Variants in ITGB8 observed in about 807,000 individuals in gnomAD.
The protein encoded by ITGB8 is integrin subunit beta 8, also known as integrin beta-8.
In ITGB8, 30 loss-of-function variants were observed where a neutral mutation model predicts 89.5. That is an observed-to-expected ratio of 0.34 (90% CI 0.25 to 0.45). ITGB8 has a LOEUF of 0.45. Ranked by LOEUF, ITGB8 falls within the 20% of genes least tolerant of loss-of-function variation. ITGB8 has a pLI of 1.00. For synonymous variants in ITGB8, 335 were observed against 320.4 expected, an observed-to-expected ratio of 1.05 and a Z score of -0.49; for missense variants, 836 against 933.3, an observed-to-expected ratio of 0.90 and a Z score of 1.36.
intron 3 of ITGB8, among the ~76,000 whole-genome samples, chr7:20,372,974 G>T (rs942563620): frequency 6.6e-6 from 1 of 152,176 alleles, no homozygotes; most frequent in Non-Finnish European, 1.5e-5. Context: ...CATACTCCAT[G>T]ATGTGAAAGT....
rs573885912 is a variant in ITGB8, at chr7:20,331,525, C to A, written c.-282C>A. 3.8e-4 allele frequency: 169 copies of A among 441,210 alleles called. 2 individuals are homozygous for A. The highest frequency in any genetic ancestry group is 5.9e-4 in the Non-Finnish European group (149 of 254,452). The allele number at this position is 441,210 out of a possible 1,614,324, so 27.3% of individuals were successfully genotyped here. ...CGGAGCCCTTGCAGAGCCCTCTCTC[C>A]AGTCGCCGCCGGGGCCCTTGGCCGT... On this transcript the variant is annotated 5_prime_UTR_variant, in exon 1 of 14. Coordinates refer to ENST00000222573, the MANE Select transcript of ITGB8 (RefSeq NM_002214.3).
chr7:20,369,639 C>T (rs960083397), intron 3 of ITGB8, among the ~76,000 whole-genome samples: 2 of 151,982 alleles, frequency 1.3e-5, no homozygotes, highest in African/African-American at 4.8e-5. Context: ...ACAATTCAGT[C>T]GATAGCATTT....
At chr7:20,368,432 T>C (rs1043576498) in intron 3 of ITGB8, among the ~76,000 whole-genome samples, 2 of 152,216 alleles carry the variant, frequency 1.3e-5, no homozygotes, top group Non-Finnish European at 2.9e-5. Context: ...TTCCTATAAT[T>C]ACACATGCCT....
chr7:20,374,732 A>G (rs1054934544), intron 3 of ITGB8, among the ~76,000 whole-genome samples: 3 of 152,228 alleles, frequency 2.0e-5, no homozygotes, highest in African/African-American at 7.2e-5. Context: ...TGTAGGCTGT[A>G]TATGGGGAAG....
intron 12 of ITGB8, among the ~76,000 whole-genome samples, chr7:20,408,114 T>G (rs1255584922): frequency 6.6e-6 from 1 of 152,230 alleles, no homozygotes; most frequent in Non-Finnish European, 1.5e-5. Flanking sequence ...TCAAGCCACG[T>G]GCCCCCTCTG....
chr7:20,368,304 A>G (rs1270620321), intron 3 of ITGB8, among the ~76,000 whole-genome samples: 2 of 152,212 alleles, frequency 1.3e-5, no homozygotes, highest in East Asian at 3.8e-4. Context: ...GCAAAAAATT[A>G]TTTAGTGTCG....
At chr7:20,337,470 G>T (rs777294130) in intron 1 of ITGB8, among the ~76,000 whole-genome samples, 2 of 152,068 alleles carry the variant, frequency 1.3e-5, no homozygotes, top group African/African-American at 4.8e-5. Flanking sequence ...TAAGTTTTGT[G>T]TATTATTTAC....
intron 1 of ITGB8, among the ~76,000 whole-genome samples, chr7:20,349,179 G>A (rs1369301038): frequency 6.6e-6 from 1 of 152,012 alleles, no homozygotes; most frequent in Non-Finnish European, 1.5e-5. Context: ...TTTTGTCTGA[G>A]TCTCCAAATA....
intron 1 of ITGB8, among the ~76,000 whole-genome samples, chr7:20,342,677 CA>C (rs1388321923): frequency 1.3e-5 from 2 of 151,458 alleles, no homozygotes; most frequent in Non-Finnish European, 1.5e-5. Context: ...ATTTTTCATT[CA>C]TTTTTTTTTT....
At chr7:20,399,055 C>T (rs779561129) in intron 9 of ITGB8, 61 bp downstream of exon 9, 23 of 1,532,548 alleles carry the variant, frequency 1.5e-5, no homozygotes, top group Non-Finnish European at 2.0e-5. Flanking sequence ...TACTTTCTTA[C>T]AGAAAAAGCA....
In ITGB8 at chr7:20,379,259, C is replaced by CTA; in HGVS notation, c.597_598insTA (p.Ile200Ter). ...ACGTTGATAAAACAGTTTCACCATA[C>CTA]ATTAGCATCCACCCCGAAAGGATTC... On this transcript the variant is annotated frameshift_variant, in exon 4 of 14. Coordinates refer to ENST00000222573, the MANE Select transcript of ITGB8 (RefSeq NM_002214.3). LOFTEE classifies it high-confidence loss of function. The CTA allele has an allele frequency of 6.2e-7, 1 of 1,608,100 alleles. No homozygotes were observed. The highest frequency in any genetic ancestry group is 8.5e-7 in the Non-Finnish European group (1 of 1,176,332).
At chr7:20,403,500 T>C (rs910250794) in intron 10 of ITGB8, among the ~76,000 whole-genome samples, 1 of 152,256 alleles carries the variant, frequency 6.6e-6, no homozygotes, top group Non-Finnish European at 1.5e-5. Context: ...GTAACTGACA[T>C]GTACTTTCTC....
intron 1 of ITGB8, among the ~76,000 whole-genome samples, chr7:20,354,318 A>G (rs773147294): frequency 6.6e-6 from 1 of 152,202 alleles, no homozygotes; most frequent in Admixed American, 6.5e-5. Flanking sequence ...ATGAAGAAAT[A>G]TATCTCTTTA....
intron 2 of ITGB8, chr7:20,364,670 C>G (rs1785625908): frequency 1.3e-5 from 2 of 152,218 alleles, no homozygotes; most frequent in African/African-American, 4.8e-5. Flanking sequence ...GAAAGTGGTT[C>G]ATCAGAACCC....
At chr7:20,398,758 T>C in intron 8 of ITGB8, 102 bp from the exon 9 acceptor site, 1 of 746,466 alleles carries the variant, frequency 1.3e-6, no homozygotes, top group African/African-American at 1.8e-5. Flanking sequence ...CTCTTTGATC[T>C]AGTTAAAATT....
At chr7:20,331,983 G>C in intron 1 of ITGB8, 50 bp downstream of exon 1, 2 of 1,591,668 alleles carry the variant, frequency 1.3e-6, no homozygotes, top group Non-Finnish European at 1.7e-6. Flanking sequence ...AAAGGTCTTG[G>C]GCTGGCACGA....
At chr7:20,340,542 T>C (rs1784723343) in intron 1 of ITGB8, among the ~76,000 whole-genome samples, 1 of 152,220 alleles carries the variant, frequency 6.6e-6, no homozygotes, top group East Asian at 1.9e-4. Flanking sequence ...CAACTTCCTT[T>C]TAGGATAAAG....
chr7:20,356,886 G>A (rs1562663234), intron 1 of ITGB8, among the ~76,000 whole-genome samples: 1 of 107,712 alleles, frequency 9.3e-6, no homozygotes, highest in Admixed American at 9.7e-5. Flanking sequence ...TTTTAGTTTT[G>A]GGGAGTTTGC....
At chr7:20,346,705 CA>C in intron 1 of ITGB8, 1 of 985,304 alleles carries the variant, frequency 1.0e-6, no homozygotes, top group Non-Finnish European at 1.2e-6. Flanking sequence ...TGTCTTAAGA[CA>C]CTCTTGACTC....
Sources: gnomAD v4.1 joint callset for allele counts (sites outside exome capture counted in the v4.1 genomes callset) on GRCh38, gnomAD v4.1.1 for gene constraint, MANE v1.5 for transcripts, NCBI Gene and HGNC (gene_info 2026-07-23, HGNC 2026-07-21) for gene names.